Variants in COL5A1 observed in about 807,000 individuals in gnomAD.
COL5A1 encodes the protein collagen alpha-1(V) chain.
COL5A1 carries 16 observed loss-of-function variants against 263.7 expected under a neutral mutation model. The ratio of observed to expected loss-of-function variants is 0.06; its 90% confidence interval spans 0.04 to 0.09. The LOEUF is 0.09. COL5A1 is among the 10% of genes least tolerant of loss of function. COL5A1 has a pLI of 1.00. For missense variants in COL5A1, 2,036 were observed against 2,540.5 expected (o/e 0.80, Z 4.27); for synonymous variants, 1,012 against 1,004.5 (o/e 1.01, Z -0.14).
intron 35 of COL5A1, 45 bp downstream of exon 35, chr9:134,796,463 G>C: frequency 6.3e-7 from 1 of 1,590,452 alleles, no homozygotes; most frequent in Non-Finnish European, 8.6e-7. Context: ...GGCAGAGCCT[G>C]CCTCGAATGC....
chr9:134,723,493 G>A (rs1350693851), intron 4 of COL5A1, among the ~76,000 whole-genome samples: 1 of 152,218 alleles, frequency 6.6e-6, no homozygotes, highest in Non-Finnish European at 1.5e-5. Context: ...GGGCCCCGCT[G>A]CACACATAGG....
At chr9:134,671,232 C>G (rs559523909) in intron 1 of COL5A1, among the ~76,000 whole-genome samples, 1 of 152,208 alleles carries the variant, frequency 6.6e-6, no homozygotes, top group East Asian at 1.9e-4. Context: ...CTGCCCACCG[C>G]GGAGGGGACC....
chr9:134,762,920 T>C (rs1330700519), intron 19 of COL5A1, among the ~76,000 whole-genome samples: 1 of 152,152 alleles, frequency 6.6e-6, no homozygotes, highest in Non-Finnish European at 1.5e-5. Context: ...TGTGCATGTG[T>C]ATGTGCAGGG....
chr9:134,687,956 C>A (rs1457210172), intron 1 of COL5A1, among the ~76,000 whole-genome samples: 1 of 152,230 alleles, frequency 6.6e-6, no homozygotes, highest in Non-Finnish European at 1.5e-5. Context: ...GTCCCCAAAG[C>A]TTGTGCTGTG....
At chr9:134,703,473 T>C (rs1833737106) in intron 4 of COL5A1, among the ~76,000 whole-genome samples, 1 of 152,092 alleles carries the variant, frequency 6.6e-6, no homozygotes, top group African/African-American at 2.4e-5. Flanking sequence ...TTGAGACTCA[T>C]TTGTAAAACA....
chr9:134,815,667 C>T (rs758595943), intron 51 of COL5A1, 38 bp downstream of exon 51: 5 of 1,604,850 alleles, frequency 3.1e-6, no homozygotes, highest in Non-Finnish European at 4.3e-6. Flanking sequence ...GGATCCCCCA[C>T]AGTGCTGGCC....
At chr9:134,728,596 G>A in intron 5 of COL5A1, 74 bp from the exon 6 acceptor site, 1 of 1,605,648 alleles carries the variant, frequency 6.2e-7, no homozygotes, top group Non-Finnish European at 8.5e-7. Flanking sequence ...TCTGGAGGTT[G>A]CGGAAGGAAG....
rs775557699 is a variant in COL5A1, at chr9:134,681,883, TTC to T, written c.110-9021_110-9020del. Among the ~76,000 whole-genome samples the T allele has an allele frequency of 6.6e-5, 10 of 151,872 alleles. No homozygotes were observed. The highest frequency in any genetic ancestry group is 1.2e-4 in the Non-Finnish European group (8 of 67,938). On this transcript the variant is annotated intron_variant, in intron 1 of 65. Transcript: ENST00000371817. This position sits in a 1 kb window ranked among gnomAD's most constrained non-coding sequence, Gnocchi z 4.3. The stretch of plus-strand genomic sequence containing the variant: ...CCTCTCTTCCTCGCTCTTCCTCTCT[TTC>T]TCTCTCTGTCTCTCCCTCTCTCTTT...
intron 1 of COL5A1, among the ~76,000 whole-genome samples, chr9:134,665,884 T>A (rs1293294945): frequency 6.6e-6 from 1 of 152,144 alleles, no homozygotes; most frequent in African/African-American, 2.4e-5. Context: ...GGTCAGGAGT[T>A]CAAGACCAGC....
At chr9:134,710,849 G>A (rs1238272718) in intron 4 of COL5A1, among the ~76,000 whole-genome samples, 1 of 137,188 alleles carries the variant, frequency 7.3e-6, no homozygotes, top group East Asian at 2.2e-4. Context: ...CAGTGGTGGG[G>A]GAGGGGCCCC....
At chr9:134,714,419 G>A (rs1196832402) in intron 4 of COL5A1, among the ~76,000 whole-genome samples, 1 of 149,662 alleles carries the variant, frequency 6.7e-6, no homozygotes, top group Admixed American at 6.6e-5. Flanking sequence ...GGTGGTGAAG[G>A]TGATGGTGAT....
At chr9:134,829,183 C>T (rs998487231) in intron 63 of COL5A1, among the ~76,000 whole-genome samples, 3 of 152,242 alleles carry the variant, frequency 2.0e-5, no homozygotes, top group African/African-American at 7.2e-5. Context: ...GACTGAGCAC[C>T]AGGCGCTGGC....
chr9:134,734,198 G>C (rs1588484096), intron 9 of COL5A1, among the ~76,000 whole-genome samples: 2 of 152,304 alleles, frequency 1.3e-5, no homozygotes, highest in Middle Eastern at 6.8e-3. Context: ...CAAGGAGAGG[G>C]CCGAGAGTCG....
chr9:134,727,320 T>C lies in COL5A1; in HGVS notation c.709T>C (p.Cys237Arg), dbSNP rs2132632719. The C allele has an allele frequency of 6.2e-7, 1 of 1,614,102 alleles. No individual in the cohort carries two copies. ...GGACCACCGGGCAGCTTATGATTAC[T>C]GTGAGCACTACAGCCCTGACTGTGA... ...VSDHRAAYDY[C>R]EHYSPDCDTA... The change falls in exon 5 of 66, where the codon TGT (cysteine) becomes CGT (arginine). Residue 237 changes from cysteine (C) to arginine (R), a missense_variant. Coordinates refer to ENST00000371817, the MANE Select transcript of COL5A1 (RefSeq NM_000093.5).
At chr9:134,708,869 G>A (rs758833425) in intron 4 of COL5A1, 6 of 456,486 alleles carry the variant, frequency 1.3e-5, no homozygotes, top group South Asian at 4.6e-5. Context: ...TCCAGCGGGG[G>A]ACTCTGCCTG....
At position 134,696,914 on chromosome 9, in the gene COL5A1, C is replaced by CA. The variant is rs574785372; in HGVS notation, c.278-2988dup. Among the ~76,000 whole-genome samples the CA allele has an allele frequency of 4.1e-4, 62 of 151,930 alleles. No individual in the cohort carries two copies. Among genetic ancestry groups the CA allele is most frequent in the African/African-American group, 7.0e-4 (29 of 41,436 alleles). On this transcript the variant is annotated intron_variant, in intron 2 of 65. Transcript: ENST00000371817. The surrounding 1 kb of genome is among the most constrained non-coding windows in gnomAD (Gnocchi z 4.3). Reference sequence around the variant, plus strand: ...TGAAACCCCATCCCTACTAAAAATACAAAAAAATTAGCCAGGCTTGGTGGC... The same window carrying CA: ...TGAAACCCCATCCCTACTAAAAATACAAAAAAAATTAGCCAGGCTTGGTGGC...
intron 37 of COL5A1, among the ~76,000 whole-genome samples, chr9:134,800,583 A>T (rs371577076): frequency 2.0e-5 from 3 of 152,018 alleles, no homozygotes; most frequent in Admixed American, 2.0e-4. Context: ...CGTCTCTACT[A>T]AAAATACAAA....
At chr9:134,822,230 T>A in intron 59 of COL5A1, 80 bp downstream of exon 59, 2 of 1,237,484 alleles carry the variant, frequency 1.6e-6, no homozygotes, top group Non-Finnish European at 2.3e-6. Flanking sequence ...AGTGTGGAGC[T>A]AGAGAATTGT....
intron 4 of COL5A1, among the ~76,000 whole-genome samples, chr9:134,703,586 G>A (rs551778703): frequency 2.0e-5 from 3 of 151,630 alleles, no homozygotes; most frequent in Non-Finnish European, 4.4e-5. Context: ...TCTGTGGGTC[G>A]AGGCCCTGCC....
Sources: allele counts gnomAD v4.1 joint callset (sites outside exome capture counted in the v4.1 genomes callset), GRCh38; gene constraint gnomAD v4.1.1; non-coding constraint Gnocchi (gnomAD v3.1); transcripts MANE v1.5; gene names NCBI Gene and HGNC (gene_info 2026-07-23, HGNC 2026-07-21).